The following CHSY3 variants were observed in gnomAD, a reference collection of about 807,000 sequenced individuals.
CHSY3 encodes the protein chondroitin sulfate synthase 3.
A neutral mutation model predicts 67.2 loss-of-function variants in CHSY3; 35 were observed. The observed-to-expected ratio is 0.52, with a 90% CI of 0.40 to 0.69. The LOEUF is 0.69. Ranked by LOEUF, CHSY3 falls within the 30% of genes least tolerant of loss-of-function variation. The pLI is 0.00. For synonymous variants in CHSY3, 474 were observed against 434.7 expected (o/e 1.09, Z -1.12); for missense variants, 1,069 against 1,138.5 (o/e 0.94, Z 0.88).
rs1444036490 is a variant in CHSY3 at position 130,020,816 on chromosome 5, A to G, written c.1086+112456A>G. ...TTGCCTCTTCTCCTGTCCCCTACTC[A>G]GTCTGTCGAGATGCTTCAAATCTGG... is the stretch of plus-strand genomic sequence containing the variant. On this transcript the variant is annotated intron_variant, in intron 2 of 2. Coordinates refer to ENST00000305031, the MANE Select transcript of CHSY3 (RefSeq NM_175856.5). Among the ~76,000 whole-genome samples the G allele has an allele frequency of 3.3e-5, 5 of 152,116 alleles. No individual in the cohort carries two copies. In the East Asian group the frequency reaches 5.8e-4, roughly 18 times the overall value.
At chr5:130,093,991 A>G (rs1766965872) in intron 2 of CHSY3, among the ~76,000 whole-genome samples, 2 of 152,148 alleles carry the variant, frequency 1.3e-5, no homozygotes, top group Non-Finnish European at 2.9e-5. Flanking sequence ...TATGAACAAT[A>G]ATAACAAAAT....
intron 2 of CHSY3, among the ~76,000 whole-genome samples, chr5:129,934,767 G>A (rs1004902568): frequency 3.9e-5 from 6 of 152,060 alleles, no homozygotes; most frequent in South Asian, 2.1e-4. Context: ...TTCCAATAGC[G>A]GTCTGTTGTG....
At chr5:130,080,498 C>T (rs1050582613) in intron 2 of CHSY3, among the ~76,000 whole-genome samples, 1 of 152,064 alleles carries the variant, frequency 6.6e-6, no homozygotes, top group East Asian at 1.9e-4. Context: ...AATTTGTTGG[C>T]TCCATTCTTA....
At position 130,000,732 on chromosome 5, in the gene CHSY3, C is replaced by CTTTTTTTTTTTT. The variant is rs71000946; in HGVS notation, c.1086+92387_1086+92398dup. Among the ~76,000 whole-genome samples the CTTTTTTTTTTTT allele has an allele frequency of 3.8e-4, 29 of 76,470 alleles. 2 individuals are homozygous for CTTTTTTTTTTTT. Among genetic ancestry groups the CTTTTTTTTTTTT allele is most frequent in the East Asian group, 9.6e-4 (2 of 2,094 alleles). 50.2% of individuals were successfully genotyped at this position (76,470 alleles called of 152,430 possible). A position where few individuals can be genotyped will look rare whatever the true frequency, so the allele number is the denominator to read the frequency against. ...GGACTACAAATGTGTAACTTTTCTT[C>CTTTTTTTTTTTT]TTTTTTTTTTTTTTTTTTTTTTTTT... is the stretch of plus-strand genomic sequence containing the variant. On this transcript the variant is annotated intron_variant, in intron 2 of 2. Transcript: ENST00000305031.
At chr5:130,113,706 A>G (rs1167200887) in intron 2 of CHSY3, among the ~76,000 whole-genome samples, 3 of 152,176 alleles carry the variant, frequency 2.0e-5, no homozygotes, top group Non-Finnish European at 4.4e-5. Flanking sequence ...ACAGGTCTAC[A>G]TGAGAGACCA....
At chr5:129,983,030 C>G (rs1763066322) in intron 2 of CHSY3, among the ~76,000 whole-genome samples, 1 of 152,052 alleles carries the variant, frequency 6.6e-6, no homozygotes, top group South Asian at 2.1e-4. Flanking sequence ...ATTAAGCTAA[C>G]CAGTTTGTAA....
chr5:129,956,996 G>A (rs1448826474), intron 2 of CHSY3, among the ~76,000 whole-genome samples: 2 of 151,948 alleles, frequency 1.3e-5, no homozygotes, highest in East Asian at 1.9e-4. Context: ...TTCTAGTTAT[G>A]TGAGGAATGT....
intron 2 of CHSY3, among the ~76,000 whole-genome samples, chr5:130,121,154 G>A (rs1768009242): frequency 6.6e-6 from 1 of 152,114 alleles, no homozygotes; most frequent in South Asian, 2.1e-4. Flanking sequence ...GTCAGCTGGG[G>A]GAGTCTTGTT....
At chr5:130,141,742 A>G in intron 2 of CHSY3, 1 of 495,676 alleles carries the variant, frequency 2.0e-6, no homozygotes, top group Admixed American at 2.2e-5. Flanking sequence ...TGATAAGGGT[A>G]TTAAAATTAT....
At chr5:129,962,418 G>A (rs1762357466) in intron 2 of CHSY3, among the ~76,000 whole-genome samples, 1 of 151,934 alleles carries the variant, frequency 6.6e-6, no homozygotes, top group Admixed American at 6.6e-5. Flanking sequence ...CATCTAGGCT[G>A]GCATCATCTG....
At chr5:130,054,876 G>A (rs1295237122) in intron 2 of CHSY3, among the ~76,000 whole-genome samples, 1 of 152,114 alleles carries the variant, frequency 6.6e-6, no homozygotes, top group Non-Finnish European at 1.5e-5. Flanking sequence ...TTGTCCTCTA[G>A]GTATGGAGGC....
intron 2 of CHSY3, among the ~76,000 whole-genome samples, chr5:130,125,874 G>A (rs1431285586): frequency 1.3e-5 from 2 of 152,114 alleles, no homozygotes; most frequent in East Asian, 3.9e-4. Flanking sequence ...TGTGCAAACT[G>A]GTCTCAGGAG....
intron 2 of CHSY3, among the ~76,000 whole-genome samples, chr5:130,036,629 C>T (rs1764870271): frequency 6.6e-6 from 1 of 152,178 alleles, no homozygotes; most frequent in South Asian, 2.1e-4. Context: ...GGGCTCCAAT[C>T]CTAGTCCTGC....
In CHSY3 at chr5:130,038,563, G is replaced by T. The variant is rs555259899; in HGVS notation, c.1086+130203G>T. ...CTACCCTGCACACAAGGATTGGGAAGAAAGGAAGCACATTCAAGCCTTAAA... is the reference window on the plus strand; with the variant it reads ...CTACCCTGCACACAAGGATTGGGAATAAAGGAAGCACATTCAAGCCTTAAA... On this transcript the variant is annotated intron_variant, in intron 2 of 2. Transcript: ENST00000305031. 8.5e-5 allele frequency among the ~76,000 whole-genome samples: 13 copies of T among 152,202 alleles called. No homozygotes were observed. The South Asian group carries it at 2.7e-3, about 32-fold the overall frequency.
intron 2 of CHSY3, among the ~76,000 whole-genome samples, chr5:130,076,350 T>G (rs752743123): frequency 2.6e-5 from 4 of 151,766 alleles, no homozygotes; most frequent in Non-Finnish European, 5.9e-5. Flanking sequence ...GCCCTCAGTT[T>G]CTACCACTTT....
At chr5:129,906,975 A>G (rs905834323) in intron 1 of CHSY3, among the ~76,000 whole-genome samples, 5 of 152,218 alleles carry the variant, frequency 3.3e-5, no homozygotes, top group African/African-American at 4.8e-5. Flanking sequence ...GTTGGAATAG[A>G]AAATACTGAT....
chr5:130,038,394 G>A (rs1330992550), intron 2 of CHSY3, among the ~76,000 whole-genome samples: 1 of 152,114 alleles, frequency 6.6e-6, no homozygotes, highest in East Asian at 1.9e-4. Context: ...AGTACAGAAT[G>A]ACCGTGTTAT....
At chr5:130,051,340 G>GTTTTAAAAA (rs1765350074) in intron 2 of CHSY3, among the ~76,000 whole-genome samples, 7 of 151,894 alleles carry the variant, frequency 4.6e-5, no homozygotes, top group African/African-American at 1.4e-4. Context: ...TTTTTTTAAA[G>GTTTTAAAAA]GAGCTAAAGT....
chr5:130,020,330 G>T (rs971475129), intron 2 of CHSY3, among the ~76,000 whole-genome samples: 5 of 151,098 alleles, frequency 3.3e-5, no homozygotes, highest in Admixed American at 6.6e-5. Flanking sequence ...TGAGGCAGGA[G>T]AATTGCTGGA....
Sources: gnomAD v4.1 joint callset for allele counts (sites outside exome capture counted in the v4.1 genomes callset) on GRCh38, gnomAD v4.1.1 for gene constraint, MANE v1.5 for transcripts, NCBI Gene and HGNC (gene_info 2026-07-23, HGNC 2026-07-21) for gene names.